Variants in PDE4D observed in about 807,000 individuals in gnomAD.
PDE4D encodes the protein 3',5'-cyclic-AMP phosphodiesterase 4D.
PDE4D carries 24 observed loss-of-function variants against 87.4 expected under a neutral mutation model. The observed-to-expected ratio is 0.27, with a 90% CI of 0.20 to 0.39. The LOEUF (loss-of-function observed/expected upper bound fraction) is 0.39. Among genes scored for constraint, PDE4D ranks in the 10% least tolerant of loss-of-function variants. The pLI is 1.00. For synonymous variants in PDE4D, 384 were observed against 383.2 expected (o/e 1.00, Z -0.02); for missense variants, 714 against 1,041.0 (o/e 0.69, Z 4.32).
chr5:59,154,410 G>T (rs10472093), intron 5 of PDE4D, among the ~76,000 whole-genome samples: 113,496 of 151,952 alleles, frequency 0.75, 42,857 homozygotes, highest in African/African-American at 0.84. Flanking sequence ...TATTTTTTAC[G>T]CAATTCTGTA....
chr5:60,406,559 A>C (rs1469417682), intron 1 of PDE4D, among the ~76,000 whole-genome samples: 2 of 152,188 alleles, frequency 1.3e-5, no homozygotes, highest in Non-Finnish European at 2.9e-5. Flanking sequence ...TTTCCTGTAA[A>C]TGTGCCCCAG....
At chr5:59,925,824 T>C (rs905347063) in intron 3 of PDE4D, among the ~76,000 whole-genome samples, 1 of 152,168 alleles carries the variant, frequency 6.6e-6, no homozygotes, top group Admixed American at 6.5e-5. Context: ...ATAAGAATTG[T>C]AAATATATAT....
chr5:60,094,652 A>T (rs1212906220), intron 2 of PDE4D, among the ~76,000 whole-genome samples: 1 of 135,568 alleles, frequency 7.4e-6, no homozygotes, highest in Non-Finnish European at 1.5e-5. Context: ...AGGTGCACAG[A>T]TGGAAGACAA....
intron 1 of PDE4D, among the ~76,000 whole-genome samples, chr5:60,289,083 C>T (rs756433748): frequency 3.9e-5 from 6 of 152,150 alleles, no homozygotes; most frequent in Non-Finnish European, 5.9e-5. Context: ...ACCGTCACTA[C>T]GTTTTTGCAG....
chr5:59,291,853 C>A (rs76426443), intron 1 of PDE4D, among the ~76,000 whole-genome samples: 150 of 151,038 alleles, frequency 9.9e-4, no homozygotes, highest in Non-Finnish European at 1.8e-3. Flanking sequence ...GAAACACAGC[C>A]TATTCATTCC....
chr5:60,352,126 T>C (rs1052513858), intron 1 of PDE4D, among the ~76,000 whole-genome samples: 1 of 152,078 alleles, frequency 6.6e-6, no homozygotes, highest in African/African-American at 2.4e-5. Context: ...TTTAAACTCC[T>C]ATTGTGAACT....
chr5:59,054,830 ACT>A (rs1762114667), intron 5 of PDE4D, among the ~76,000 whole-genome samples: 2 of 152,194 alleles, frequency 1.3e-5, no homozygotes, highest in Admixed American at 6.5e-5. Flanking sequence ...GTTTGAAAAC[ACT>A]GAGGTAAGAA....
intron 1 of PDE4D, among the ~76,000 whole-genome samples, chr5:59,466,446 T>C (rs1240867215): frequency 1.3e-5 from 2 of 152,210 alleles, no homozygotes; most frequent in Non-Finnish European, 2.9e-5. Context: ...CAATGCTCTT[T>C]ACACTTTTGC....
intron 1 of PDE4D, among the ~76,000 whole-genome samples, chr5:59,664,634 TAA>T (rs1379245580): frequency 6.6e-6 from 1 of 152,188 alleles, no homozygotes; most frequent in Non-Finnish European, 1.5e-5. Context: ...ATTTCATTCA[TAA>T]AGAGAGGTTT....
intron 1 of PDE4D, among the ~76,000 whole-genome samples, chr5:60,203,179 C>G (rs189283939): frequency 6.6e-6 from 1 of 152,258 alleles, no homozygotes. Context: ...TCATGTTGGC[C>G]AGGCTGGTCT....
At chr5:59,867,733 C>A (rs933527826) in intron 1 of PDE4D, among the ~76,000 whole-genome samples, 1 of 152,036 alleles carries the variant, frequency 6.6e-6, no homozygotes, top group Non-Finnish European at 1.5e-5. Flanking sequence ...AGATCATGGA[C>A]GATACTGCAA....
chr5:60,004,849 C>T (rs547677468), intron 2 of PDE4D, among the ~76,000 whole-genome samples: 133 of 152,122 alleles, frequency 8.7e-4, no homozygotes, highest in African/African-American at 2.8e-3. Flanking sequence ...TGTAGCACTG[C>T]GGTGAAAACG....
chr5:59,579,293 A>G (rs1021565339), intron 1 of PDE4D, among the ~76,000 whole-genome samples: 12 of 152,164 alleles, frequency 7.9e-5, no homozygotes, highest in Non-Finnish European at 1.6e-4. Flanking sequence ...GACTCTTATT[A>G]CATTCATCTG....
intron 1 of PDE4D, among the ~76,000 whole-genome samples, chr5:60,354,361 T>C (rs1759435936): frequency 6.6e-6 from 1 of 152,220 alleles, no homozygotes; most frequent in Non-Finnish European, 1.5e-5. Context: ...TGTGAACTGA[T>C]TTTCAGACCA....
intron 1 of PDE4D, among the ~76,000 whole-genome samples, chr5:59,887,008 A>G (rs1379159699): frequency 2.0e-5 from 3 of 152,028 alleles, no homozygotes; most frequent in African/African-American, 7.2e-5. Context: ...TGAATAGAGG[A>G]TAAGTGCTGG....
intron 1 of PDE4D, among the ~76,000 whole-genome samples, chr5:59,667,241 G>T (rs1382670904): frequency 1.3e-5 from 2 of 151,826 alleles, no homozygotes; most frequent in Non-Finnish European, 2.9e-5. Context: ...TTTTTTTTGG[G>T]GGGGAGGTTC....
chr5:60,108,259 A>G (rs1777255693), intron 2 of PDE4D, among the ~76,000 whole-genome samples: 2 of 151,636 alleles, frequency 1.3e-5, no homozygotes, highest in African/African-American at 4.9e-5. Context: ...CCCATTCACA[A>G]TTGCTTCAAA....
intron 1 of PDE4D, among the ~76,000 whole-genome samples, chr5:60,195,815 G>T (rs1437819890): frequency 1.3e-5 from 2 of 151,688 alleles, no homozygotes; most frequent in Non-Finnish European, 3.0e-5. Context: ...CCTGTTCCGA[G>T]TTATTCTGCT....
chr5:59,598,560 A>G (rs1041286297), intron 1 of PDE4D, among the ~76,000 whole-genome samples: 3 of 152,168 alleles, frequency 2.0e-5, no homozygotes, highest in African/African-American at 7.2e-5. Context: ...GGCACAGTCC[A>G]TTTGAGATGA....
Sources: allele counts gnomAD v4.1 joint callset (sites outside exome capture counted in the v4.1 genomes callset), GRCh38; gene constraint gnomAD v4.1.1; transcripts MANE v1.5; gene names NCBI Gene and HGNC (gene_info 2026-07-23, HGNC 2026-07-21).